The following CNTNAP2 variants were observed in gnomAD, a reference collection of about 807,000 sequenced individuals.
CNTNAP2 encodes contactin-associated protein-like 2.
CNTNAP2 carries 98 observed loss-of-function variants against 155.2 expected under a neutral mutation model. That is an observed-to-expected ratio of 0.63 (90% CI 0.54 to 0.75). The LOEUF (loss-of-function observed/expected upper bound fraction) is 0.75, where lower values mean the gene tolerates loss of function less well. Among genes scored for constraint, CNTNAP2 ranks in the 30% least tolerant of loss-of-function variants. The probability of loss-of-function intolerance (pLI) is 0.00; values close to 1 mark genes in which losing one functional copy is unlikely to be tolerated. For missense variants in CNTNAP2, 1,727 were observed against 1,688.1 expected, an observed-to-expected ratio of 1.02 and a Z score of -0.40; for synonymous variants, 651 against 631.2, an observed-to-expected ratio of 1.03 and a Z score of -0.47.
intron 19 of CNTNAP2, among the ~76,000 whole-genome samples, chr7:148,219,226 C>A (rs1852861): frequency 0.36 from 55,028 of 151,930 alleles, 10,579 homozygotes; most frequent in Non-Finnish European, 0.43. Context: ...TGGTGTGAAC[C>A]ACTGCGTCAG....
intron 8 of CNTNAP2, among the ~76,000 whole-genome samples, chr7:147,196,174 C>T (rs760293195): frequency 6.6e-6 from 1 of 152,138 alleles, no homozygotes; most frequent in African/African-American, 2.4e-5. Context: ...GACTTCTAGC[C>T]TCAAAAATCA....
intron 13 of CNTNAP2, among the ~76,000 whole-genome samples, chr7:147,695,397 C>A (rs1796146569): frequency 6.6e-6 from 1 of 152,182 alleles, no homozygotes; most frequent in South Asian, 2.1e-4. Flanking sequence ...TACTGATTTT[C>A]TGCCTGCTGG....
intron 11 of CNTNAP2, among the ~76,000 whole-genome samples, chr7:147,521,083 T>C (rs1799222607): frequency 6.6e-6 from 1 of 152,196 alleles, no homozygotes; most frequent in African/African-American, 2.4e-5. Flanking sequence ...AAGTCAAAAA[T>C]GCCTATCTTG....
At chr7:148,329,385 T>C (rs943671001) in intron 21 of CNTNAP2, among the ~76,000 whole-genome samples, 1 of 152,150 alleles carries the variant, frequency 6.6e-6, no homozygotes, top group Admixed American at 6.5e-5. Flanking sequence ...TGTTTGTTCA[T>C]TCCTCTGACA....
intron 15 of CNTNAP2, among the ~76,000 whole-genome samples, chr7:148,037,829 A>G (rs1268148063): frequency 6.6e-6 from 1 of 152,234 alleles, no homozygotes; most frequent in Non-Finnish European, 1.5e-5. Flanking sequence ...TTGATTTACA[A>G]TGTTTTGACT....
rs1350769218 is a variant in CNTNAP2 at position 148,216,459 on chromosome 7, C to G, written c.3011-829C>G. The stretch of plus-strand genomic sequence containing the variant: ...GACATGTGATTGTAAACCCTATACA[C>G]AAAGTCTCTAAGGACGTAGGGCTTA... On this transcript the variant is annotated intron_variant, in intron 18 of 23. Coordinates refer to ENST00000361727, the MANE Select transcript of CNTNAP2 (RefSeq NM_014141.6). 2.0e-5 allele frequency among the ~76,000 whole-genome samples: 3 copies of G among 152,288 alleles called. No homozygotes were observed. The East Asian group carries it at 5.8e-4, about 29-fold the overall frequency.
chr7:146,690,172 A>G (rs796480599), intron 1 of CNTNAP2, among the ~76,000 whole-genome samples: 16 of 152,242 alleles, frequency 1.1e-4, no homozygotes, highest in African/African-American at 3.4e-4. Context: ...AAATAATACC[A>G]GTCTTCCAAC....
chr7:146,190,662 A>T (rs1798690091), intron 1 of CNTNAP2, among the ~76,000 whole-genome samples: 1 of 152,216 alleles, frequency 6.6e-6, no homozygotes, highest in East Asian at 1.9e-4. Flanking sequence ...CAAAACTTTT[A>T]TAAGTGATAA....
At chr7:147,282,984 A>G (rs558545426) in intron 8 of CNTNAP2, among the ~76,000 whole-genome samples, 3 of 152,076 alleles carry the variant, frequency 2.0e-5, no homozygotes, top group African/African-American at 7.2e-5. Context: ...CACCTTCAAA[A>G]ATTTTATGAA....
chr7:146,904,337 A>G (rs1796071347), intron 3 of CNTNAP2, among the ~76,000 whole-genome samples: 2 of 152,246 alleles, frequency 1.3e-5, no homozygotes, highest in South Asian at 2.1e-4. Context: ...TTGTGGCCCC[A>G]TACCTGTACT....
chr7:146,268,954 A>C (rs1414085564), intron 1 of CNTNAP2, among the ~76,000 whole-genome samples: 2 of 152,206 alleles, frequency 1.3e-5, no homozygotes, highest in African/African-American at 4.8e-5. Flanking sequence ...TGAAAAGCAT[A>C]ATTTAAAACC....
intron 1 of CNTNAP2, among the ~76,000 whole-genome samples, chr7:146,752,878 A>G (rs954491055): frequency 6.6e-6 from 1 of 152,096 alleles, no homozygotes; most frequent in Non-Finnish European, 1.5e-5. Flanking sequence ...AATTAGCCAA[A>G]AATTGGTTTA....
intron 8 of CNTNAP2, among the ~76,000 whole-genome samples, chr7:147,215,905 ATTG>A (rs1803257930): frequency 6.6e-6 from 1 of 152,196 alleles, no homozygotes; most frequent in East Asian, 1.9e-4. Flanking sequence ...ATGATATCTC[ATTG>A]TTGTTTTAAT....
intron 12 of CNTNAP2, among the ~76,000 whole-genome samples, chr7:147,623,499 C>T (rs1303632305): frequency 6.6e-6 from 1 of 151,916 alleles, no homozygotes; most frequent in Non-Finnish European, 1.5e-5. Flanking sequence ...AATGTAATCC[C>T]ATTTACAATA....
intron 18 of CNTNAP2, among the ~76,000 whole-genome samples, chr7:148,196,243 T>A (rs895198768): frequency 6.6e-6 from 1 of 152,244 alleles, no homozygotes. Flanking sequence ...TTTTTGACTG[T>A]CAAGACTCAG....
chr7:148,263,736 CAAAA>C (rs112362809), intron 20 of CNTNAP2, among the ~76,000 whole-genome samples: 4 of 108,214 alleles, frequency 3.7e-5, no homozygotes, highest in Admixed American at 2.0e-4. Flanking sequence ...GACTCAGTCC[CAAAA>C]AAAAAAAAAA....
chr7:146,646,263 T>C (rs374528864), intron 1 of CNTNAP2, among the ~76,000 whole-genome samples: 1 of 152,144 alleles, frequency 6.6e-6, no homozygotes, highest in Non-Finnish European at 1.5e-5. Context: ...ACATGTTCAT[T>C]GTCTGTTTCT....
chr7:146,391,909 TGAA>T (rs1331814719), intron 1 of CNTNAP2, among the ~76,000 whole-genome samples: 1 of 152,034 alleles, frequency 6.6e-6, no homozygotes, highest in African/African-American at 2.4e-5. Context: ...ACCTGGGTAA[TGAA>T]ACAAGCTGTA....
intron 3 of CNTNAP2, among the ~76,000 whole-genome samples, chr7:146,903,080 G>A (rs949256294): frequency 6.6e-5 from 10 of 152,102 alleles, no homozygotes; most frequent in African/African-American, 9.7e-5. Context: ...TCAACTTCAC[G>A]TTGGGGCAAC....
Sources: allele counts gnomAD v4.1 joint callset (sites outside exome capture counted in the v4.1 genomes callset), GRCh38; gene constraint gnomAD v4.1.1; transcripts MANE v1.5; gene names NCBI Gene and HGNC (gene_info 2026-07-23, HGNC 2026-07-21).